Variants in PCDHGC5 observed in about 807,000 individuals in gnomAD.
PCDHGC5 encodes protocadherin gamma-C5.
A neutral mutation model predicts 59.0 loss-of-function variants in PCDHGC5; 25 were observed. That is an observed-to-expected ratio of 0.42 (90% CI 0.31 to 0.59). PCDHGC5 has a LOEUF of 0.59. Ranked by LOEUF, PCDHGC5 falls within the 20% of genes least tolerant of loss-of-function variation. The probability of loss-of-function intolerance (pLI) is 0.13; values close to 1 mark genes in which losing one functional copy is unlikely to be tolerated. For synonymous variants in PCDHGC5, 434 were observed against 505.5 expected (o/e 0.86, Z 1.90); for missense variants, 1,067 against 1,206.4 (o/e 0.88, Z 1.71).
chr5:141,491,980 C>A lies in PCDHGC5; in HGVS notation c.2460+280C>A. On this transcript the variant is annotated intron_variant, in intron 1 of 3. Coordinates refer to ENST00000252087, the MANE Select transcript of PCDHGC5 (RefSeq NM_018929.3). This position sits in a 1 kb window ranked among gnomAD's most constrained non-coding sequence, Gnocchi z 6.9. ...AAAAAAGGCCGGGGCCTCCTTCGAGCTTCCGGTGAATTTCGGGCGATTTCC... is the reference window on the plus strand; with the variant it reads ...AAAAAAGGCCGGGGCCTCCTTCGAGATTCCGGTGAATTTCGGGCGATTTCC... 1.3e-6 allele frequency: 1 copy of A among 784,426 alleles called. No homozygotes were observed. Among genetic ancestry groups the A allele is most frequent in the Non-Finnish European group, 1.9e-6 (1 of 530,582 alleles). The allele number at this position is 784,426 out of a possible 1,614,324, so 48.6% of individuals were successfully genotyped here.
Position 141,491,964 on chromosome 5 carries a change from C to A in PCDHGC5, c.2460+264C>A. On this transcript the variant is annotated intron_variant, in intron 1 of 3. Transcript: ENST00000252087. The surrounding 1 kb of genome is among the most constrained non-coding windows in gnomAD (Gnocchi z 6.9). ...CCCCACCCCTACACTCAAAAAAGGC[C>A]GGGGCCTCCTTCGAGCTTCCGGTGA... The A allele has an allele frequency of 1.1e-6, 1 of 943,952 alleles. No homozygotes were observed. The highest frequency in any genetic ancestry group is 1.5e-6 in the Non-Finnish European group (1 of 671,094). 58.5% of individuals were successfully genotyped at this position (943,952 alleles called of 1,614,324 possible). A position where few individuals can be genotyped will look rare whatever the true frequency, so the allele number is the denominator to read the frequency against.
Position 141,491,260 on chromosome 5 carries a change from A to G in PCDHGC5, c.2020A>G (p.Met674Val). Residue 674 changes from methionine (M) to valine (V), a missense_variant, in exon 1 of 4, where the codon ATG becomes GTG. Physicochemically the swap from Met to Val is conservative, Grantham distance 21 (BLOSUM62 1). Coordinates refer to ENST00000252087, the MANE Select transcript of PCDHGC5 (RefSeq NM_018929.3). This position sits in a 1 kb window ranked among gnomAD's most constrained non-coding sequence, Gnocchi z 6.9. ...LVLEDEDPEE[M>V]PKSSDFLIHP... ...TCTGGAGGATGAGGACCCTGAGGAA[A>G]TGCCCAAATCCAGTGACTTCCTCAT... 6.2e-7 allele frequency: 1 copy of G among 1,614,108 alleles called. No individual in the cohort carries two copies. The highest frequency in any genetic ancestry group is 1.7e-5 in the Admixed American group (1 of 60,028).
At chr5:141,497,568 C>G (rs1012946741) in intron 2 of PCDHGC5, among the ~76,000 whole-genome samples, 2 of 140,602 alleles carry the variant, frequency 1.4e-5, no homozygotes, top group African/African-American at 5.4e-5. Flanking sequence ...TAGACAGAGT[C>G]TTGCTCTGTT....
At chr5:141,494,972 C>A in intron 2 of PCDHGC5, 107 bp downstream of exon 2, 1 of 1,581,852 alleles carries the variant, frequency 6.3e-7, no homozygotes, top group South Asian at 1.1e-5. Flanking sequence ...TGGCTTCTCC[C>A]TCAGTTTGAG....
At chr5:141,509,823 TTCTC>T (rs2099878456) in intron 3 of PCDHGC5, among the ~76,000 whole-genome samples, 1 of 152,170 alleles carries the variant, frequency 6.6e-6, no homozygotes, top group Non-Finnish European at 1.5e-5. Flanking sequence ...CTTCTCCATC[TTCTC>T]TCTACCTCCC....
Position 141,510,866 on chromosome 5 carries a change from C to G in PCDHGC5, c.2609-81C>G. 1.9e-6 allele frequency: 3 copies of G among 1,607,908 alleles called. No homozygotes were observed. The East Asian group carries it at 6.7e-5, about 36-fold the overall frequency. ...AGGCCCAGGGTGCTGTATAGGCATT[C>G]ATTAACTGCTGGGGATATAAGACAG... On this transcript the variant is annotated intron_variant, in intron 3 of 3. Coordinates refer to ENST00000252087, the MANE Select transcript of PCDHGC5 (RefSeq NM_018929.3).
intron 2 of PCDHGC5, 147 bp from the exon 3 acceptor site, chr5:141,505,246 G>A (rs2099844792): frequency 2.1e-6 from 3 of 1,436,556 alleles, no homozygotes; most frequent in African/African-American, 1.4e-5. Flanking sequence ...AAGGATTGTA[G>A]AAGTGCCTCC....
intron 2 of PCDHGC5, among the ~76,000 whole-genome samples, chr5:141,505,177 A>T (rs917485235): frequency 6.6e-6 from 1 of 152,180 alleles, no homozygotes. Context: ...AAAAGAAAAA[A>T]GCATCGGAGG....
At chr5:141,507,611 A>G (rs2099862056) in intron 3 of PCDHGC5, among the ~76,000 whole-genome samples, 1 of 152,258 alleles carries the variant, frequency 6.6e-6, no homozygotes, top group South Asian at 2.1e-4. Flanking sequence ...AAACAGGTAT[A>G]TTTAGCTGTT....
intron 2 of PCDHGC5, among the ~76,000 whole-genome samples, chr5:141,499,689 C>CTTTTTTT (rs545067566): frequency 3.3e-5 from 4 of 119,856 alleles, no homozygotes; most frequent in Admixed American, 8.7e-5. Context: ...TAACAGATGA[C>CTTTTTTT]TTTTTTTTTT....
At position 141,490,646 on chromosome 5, in the gene PCDHGC5, C is replaced by G. The variant is rs202183643; in HGVS notation, c.1406C>G (p.Pro469Arg). The G allele has an allele frequency of 8.7e-6, 14 of 1,614,068 alleles. No homozygotes were observed. In the African/African-American group the frequency reaches 1.7e-4, roughly 20 times the overall value. ...GCTTACATCCTAGAAAACCGGCCTC[C>G]GGGCTCCCTTCTTTGCACTGTGGCT... The part of the protein sequence containing the change: ...YTAYILENRP[P>R]GSLLCTVAAS... The change falls in exon 1 of 4, where the codon CCG (proline) becomes CGG (arginine). Residue 469 changes from proline (P) to arginine (R), a missense_variant. By Grantham distance (103) the Pro-to-Arg change is moderately radical. Coordinates refer to ENST00000252087, the MANE Select transcript of PCDHGC5 (RefSeq NM_018929.3). This position sits in a 1 kb window ranked among gnomAD's most constrained non-coding sequence, Gnocchi z 5.4.
chr5:141,489,894 G>T lies in PCDHGC5; in HGVS notation c.654G>T (p.Gly218=). 1.2e-6 allele frequency: 2 copies of T among 1,614,204 alleles called. No homozygotes were observed. Among genetic ancestry groups the T allele is most frequent in the Non-Finnish European group, 1.7e-6 (2 of 1,180,028 alleles). ...HQLVLTAVDG[G]TPARSGTTLI... The stretch of plus-strand genomic sequence containing the variant: ...TGGTGCTTACTGCTGTGGATGGGGG[G>T]ACCCCAGCCCGCTCAGGGACCACCC... Residue 218 remains glycine (G), a synonymous_variant, in exon 1 of 4, where the codon GGG becomes GGT. Transcript: ENST00000252087. The surrounding 1 kb of genome is among the most constrained non-coding windows in gnomAD (Gnocchi z 4.5).
At chr5:141,495,974 CTCTT>C (rs1562171251) in intron 2 of PCDHGC5, among the ~76,000 whole-genome samples, 2 of 152,032 alleles carry the variant, frequency 1.3e-5, no homozygotes, top group Non-Finnish European at 1.5e-5. Context: ...TTCTCTGTTA[CTCTT>C]TCTTTATCTC....
chr5:141,510,895 CTGT>C, intron 3 of PCDHGC5, 49 bp from the exon 4 acceptor site: 1 of 1,612,988 alleles, frequency 6.2e-7, no homozygotes, highest in Non-Finnish European at 8.5e-7. Flanking sequence ...AAGACAGTGA[CTGT>C]TGAGGACCCT....
At chr5:141,496,262 C>G (rs934511905) in intron 2 of PCDHGC5, among the ~76,000 whole-genome samples, 3 of 152,158 alleles carry the variant, frequency 2.0e-5, no homozygotes, top group African/African-American at 7.2e-5. Flanking sequence ...GAAACTTCAG[C>G]AGAAAGACCT....
In PCDHGC5 at chr5:141,491,556, C is replaced by T. The variant is rs2099720720; in HGVS notation, c.2316C>T (p.His772=). The T allele has an allele frequency of 1.2e-6, 2 of 1,613,848 alleles. No homozygotes were observed. The highest frequency in any genetic ancestry group is 1.7e-5 in the Admixed American group (1 of 60,000). ...VTLRPTDSQS[H]CYRTCFSPAS... ...TGCGGCCCACAGACTCGCAGAGCCA[C>T]TGCTACAGGACGTGCTTTTCACCGG... The change falls in exon 1 of 4, where the codon CAC becomes CAT. Residue 772 remains histidine (H), a synonymous_variant. Transcript: ENST00000252087. The surrounding 1 kb of genome is among the most constrained non-coding windows in gnomAD (Gnocchi z 6.9).
At chr5:141,502,864 G>GTTTTTTTT in intron 2 of PCDHGC5, among the ~76,000 whole-genome samples, 3 of 61,566 alleles carry the variant, frequency 4.9e-5, no homozygotes, top group African/African-American at 2.4e-4. Context: ...CTGACTCTCT[G>GTTTTTTTT]TCTTTTTTTT....
chr5:141,491,284 A>C lies in PCDHGC5; in HGVS notation c.2044A>C (p.Ile682Leu). ...EEMPKSSDFL[I>L]HPPERSDLTL... ...AATGCCCAAATCCAGTGACTTCCTC[A>C]TACACCCTCCTGAGCGTTCAGACCT... The change falls in exon 1 of 4, where the codon ATA (isoleucine) becomes CTA (leucine). Residue 682 changes from isoleucine (I) to leucine (L), a missense_variant. Ile to Leu is a conservative substitution (Grantham distance 5). Transcript: ENST00000252087. The surrounding 1 kb of genome is among the most constrained non-coding windows in gnomAD (Gnocchi z 6.9). 1.2e-6 allele frequency: 2 copies of C among 1,614,128 alleles called. No homozygotes were observed. The highest frequency in any genetic ancestry group is 1.7e-6 in the Non-Finnish European group (2 of 1,179,978).
At chr5:141,501,298 C>T (rs998006748) in intron 2 of PCDHGC5, among the ~76,000 whole-genome samples, 216 of 148,422 alleles carry the variant, frequency 1.5e-3, no homozygotes, top group Admixed American at 2.4e-3. Context: ...TATACACACA[C>T]ACACACACAC....
Sources: gnomAD v4.1 joint callset for allele counts (sites outside exome capture counted in the v4.1 genomes callset) on GRCh38, gnomAD v4.1.1 for gene constraint, Gnocchi (gnomAD v3.1) non-coding constraint, MANE v1.5 for transcripts, NCBI Gene and HGNC (gene_info 2026-07-23, HGNC 2026-07-21) for gene names.